The following VEGFC variants were observed in gnomAD, a reference collection of about 807,000 sequenced individuals.
VEGFC encodes the protein FLT4 ligand DHM.
Under a neutral mutation model 46.1 loss-of-function variants are expected in VEGFC, and 12 were observed. The observed-to-expected ratio is 0.26, with a 90% confidence interval of 0.17 to 0.42. The LOEUF (loss-of-function observed/expected upper bound fraction) is 0.42, where lower values mean the gene tolerates loss of function less well. Ranked by LOEUF, VEGFC falls within the 10% of genes least tolerant of loss-of-function variation. The pLI is 1.00. For missense variants in VEGFC, 488 were observed against 529.4 expected, an observed-to-expected ratio of 0.92 and a Z score of 0.77; for synonymous variants, 232 against 195.5, an observed-to-expected ratio of 1.19 and a Z score of -1.56.
chr4:176,768,704 A>G (rs1735674914), intron 1 of VEGFC, among the ~76,000 whole-genome samples: 1 of 151,780 alleles, frequency 6.6e-6, no homozygotes, highest in East Asian at 2.0e-4. Flanking sequence ...CCAGGAGACA[A>G]TATTCCTCTG....
At chr4:176,756,608 G>GA (rs1243351200) in intron 1 of VEGFC, among the ~76,000 whole-genome samples, 1 of 151,884 alleles carries the variant, frequency 6.6e-6, no homozygotes, top group Admixed American at 6.6e-5. Flanking sequence ...TGATGGGGAT[G>GA]AAAAAAACGT....
chr4:176,717,294 T>C (rs1734714947), intron 3 of VEGFC, among the ~76,000 whole-genome samples: 1 of 151,866 alleles, frequency 6.6e-6, no homozygotes, highest in Admixed American at 6.6e-5. Flanking sequence ...GAAAAAAAAA[T>C]CTGACTGTAT....
chr4:176,786,165 C>T (rs995044852), intron 1 of VEGFC, among the ~76,000 whole-genome samples: 32 of 152,314 alleles, frequency 2.1e-4, no homozygotes, highest in Non-Finnish European at 3.5e-4. Context: ...TTAGACACTT[C>T]TGTGCAACAA....
chr4:176,694,632 A>G (rs558561066), intron 4 of VEGFC, among the ~76,000 whole-genome samples: 21 of 151,636 alleles, frequency 1.4e-4, no homozygotes, highest in Non-Finnish European at 1.9e-4. Flanking sequence ...AGCGGACCTA[A>G]TAGACATCTA....
chr4:176,735,474 G>T (rs1372028881), intron 1 of VEGFC, among the ~76,000 whole-genome samples: 1 of 151,060 alleles, frequency 6.6e-6, no homozygotes, highest in African/African-American at 2.5e-5. Context: ...GGAAAGAAAA[G>T]AAGAAGACAA....
chr4:176,741,789 G>T (rs1735180039), intron 1 of VEGFC, among the ~76,000 whole-genome samples: 1 of 151,892 alleles, frequency 6.6e-6, no homozygotes, highest in Non-Finnish European at 1.5e-5. Context: ...ACAGTTTCTT[G>T]ACATGTAACC....
intron 1 of VEGFC, among the ~76,000 whole-genome samples, chr4:176,777,918 CAAAAAAAAAAAA>C (rs773634012): frequency 1.7e-4 from 10 of 57,168 alleles, no homozygotes; most frequent in East Asian, 6.9e-4. Context: ...GACTTTGTCT[CAAAAAAAAAAAA>C]AAAAAAAAAA....
At chr4:176,767,123 TAAA>T (rs70964805) in intron 1 of VEGFC, among the ~76,000 whole-genome samples, 5 of 50,482 alleles carry the variant, frequency 9.9e-5, no homozygotes, top group African/African-American at 4.1e-4. Context: ...TGTAGAAATC[TAAA>T]AAAAAAAAAA....
At chr4:176,750,607 A>T (rs623307) in intron 1 of VEGFC, among the ~76,000 whole-genome samples, 1 of 151,462 alleles carries the variant, frequency 6.6e-6, no homozygotes, top group Non-Finnish European at 1.5e-5. Context: ...TAAACCCTTC[A>T]GGGGAAGCAG....
chr4:176,771,201 A>T (rs2110927250), intron 1 of VEGFC, among the ~76,000 whole-genome samples: 1 of 152,342 alleles, frequency 6.6e-6, no homozygotes, highest in Non-Finnish European at 1.5e-5. Context: ...ATTAAGAATA[A>T]TTCAAAACAT....
At chr4:176,687,797 T>G in intron 5 of VEGFC, 24 bp downstream of exon 5, 3 of 1,534,936 alleles carry the variant, frequency 2.0e-6, no homozygotes, top group Non-Finnish European at 2.7e-6. Flanking sequence ...TGGCGTTTAG[T>G]CTTTAAAGCA....
chr4:176,733,629 C>G (rs1023299433), intron 1 of VEGFC, among the ~76,000 whole-genome samples: 1 of 151,682 alleles, frequency 6.6e-6, no homozygotes. Flanking sequence ...AAAGTGTCAC[C>G]AGGGAATATG....
At chr4:176,738,971 CAGT>C (rs1279300061) in intron 1 of VEGFC, among the ~76,000 whole-genome samples, 1 of 151,274 alleles carries the variant, frequency 6.6e-6, no homozygotes, top group African/African-American at 2.4e-5. Flanking sequence ...GGTATATACC[CAGT>C]AATGGGATTG....
chr4:176,782,490 TA>T (rs1212162148), intron 1 of VEGFC, among the ~76,000 whole-genome samples: 2 of 149,302 alleles, frequency 1.3e-5, no homozygotes, highest in Non-Finnish European at 3.0e-5. Flanking sequence ...AATTTTTAAA[TA>T]AAAAAAAGTT....
chr4:176,712,126 G>C (rs995765641), intron 3 of VEGFC, among the ~76,000 whole-genome samples: 1 of 151,994 alleles, frequency 6.6e-6, no homozygotes, highest in African/African-American at 2.4e-5. Flanking sequence ...ATACATAGAC[G>C]TAAGTTACAT....
At chr4:176,769,706 C>T (rs1355051466) in intron 1 of VEGFC, among the ~76,000 whole-genome samples, 1 of 152,074 alleles carries the variant, frequency 6.6e-6, no homozygotes, top group African/African-American at 2.4e-5. Flanking sequence ...TGAGACAATG[C>T]TTTAAATGAG....
At chr4:176,705,131 T>C (rs1734510499) in intron 4 of VEGFC, among the ~76,000 whole-genome samples, 1 of 152,202 alleles carries the variant, frequency 6.6e-6, no homozygotes, top group South Asian at 2.1e-4. Flanking sequence ...ATATTATTCA[T>C]TTAAAAATAC....
At chr4:176,735,090 G>A (rs537550038) in intron 1 of VEGFC, among the ~76,000 whole-genome samples, 2 of 151,762 alleles carry the variant, frequency 1.3e-5, no homozygotes, top group South Asian at 4.2e-4. Flanking sequence ...GAATTTTGCT[G>A]TTTTCAATCT....
chr4:176,781,040 G>GA (rs34839708), intron 1 of VEGFC, among the ~76,000 whole-genome samples: 27 of 151,732 alleles, frequency 1.8e-4, no homozygotes, highest in Middle Eastern at 6.8e-3. Context: ...AATATTAAAG[G>GA]AAAAAAAATA....
Sources: gnomAD v4.1 joint callset for allele counts (sites outside exome capture counted in the v4.1 genomes callset) on GRCh38, gnomAD v4.1.1 for gene constraint, MANE v1.5 for transcripts, NCBI Gene and HGNC (gene_info 2026-07-23, HGNC 2026-07-21) for gene names.